The following MROH2A variants were observed in gnomAD, a reference collection of about 807,000 sequenced individuals.
The protein encoded by MROH2A is maestro heat-like repeat-containing protein family member 2A.
A neutral mutation model predicts 200.4 loss-of-function variants in MROH2A; 174 were observed. The ratio of observed to expected loss-of-function variants is 0.87; its 90% confidence interval spans 0.77 to 0.98. MROH2A has a LOEUF of 0.98. MROH2A is among the 50% of genes least tolerant of loss of function. The pLI, the probability that MROH2A is intolerant of heterozygous loss-of-function variation, is 0.00. For missense variants in MROH2A, 2,045 were observed against 2,139.6 expected (o/e 0.96, Z 0.87); for synonymous variants, 829 against 840.4 (o/e 0.99, Z 0.23).
upstream of MROH2A, chr2:233,775,740 T>C (rs1700685997): frequency 6.6e-6 from 1 of 152,256 alleles, no homozygotes; most frequent in South Asian, 2.1e-4. Flanking sequence ...GAATCCACCC[T>C]GTAGAGACTG....
chr2:233,823,109 C>A, intron 34 of MROH2A, 91 bp downstream of exon 34: 2 of 1,398,434 alleles, frequency 1.4e-6, no homozygotes, highest in South Asian at 1.3e-5. Context: ...ATGGTCCAGT[C>A]ATGGCTGAAG....
rs1027351113 is a variant in MROH2A at position 233,822,519 on chromosome 2, C to A, written c.3829C>A (p.His1277Asn). ...PPVLKMWKLV[H>N]TTPLPEEMNL... ...GGTCTTGAAGATGTGGAAGCTGGTCCACACCACTCCTCTGCCGGAGGAGAT... is the reference window on the plus strand; with the variant it reads ...GGTCTTGAAGATGTGGAAGCTGGTCAACACCACTCCTCTGCCGGAGGAGAT... Residue 1277 changes from histidine to asparagine, a missense_variant, in exon 33 of 42, where the codon CAC becomes AAC. Around this residue, in one of 3 missense-constraint regions of MROH2A, gnomAD observed 1,201 missense variants for 1,311.3 expected, o/e 0.92. Coordinates refer to ENST00000389758, the MANE Select transcript of MROH2A (RefSeq NM_001394639.1). 5 of 1,550,390 alleles carry A rather than the reference C, an allele frequency of 3.2e-6. No homozygotes were observed. In the African/African-American group the frequency reaches 6.8e-5, roughly 21 times the overall value.
Position 233,815,065 on chromosome 2 carries a change from T to C in MROH2A, c.2856+388T>C, listed in dbSNP as rs28900968. 0.013 allele frequency among the ~76,000 whole-genome samples: 2,021 copies of C among 152,348 alleles called. 121 individuals are homozygous for C. The East Asian group carries it at 0.2, about 15-fold the overall frequency. On this transcript the variant is annotated intron_variant, in intron 26 of 41. Coordinates refer to ENST00000389758, the MANE Select transcript of MROH2A (RefSeq NM_001394639.1). ...TTAAAACTGATGGCCCATATTCAAA[T>C]TTCATGAATTGCCCCAGTAATGTCC...
rs1201608726 is a variant in MROH2A at position 233,805,032 on chromosome 2, G to C, written c.1973G>C (p.Arg658Pro). 3 of 1,549,830 alleles carry C rather than the reference G, an allele frequency of 1.9e-6. No homozygotes were observed. The highest frequency in any genetic ancestry group is 2.6e-6 in the Non-Finnish European group (3 of 1,146,676). ...CTGCGAAACTCCCTCAAGAAGACCC[G>C]GGGGTCTAGCTGGAGCCTGCGCTTG... ...QFLRNSLKKT[R>P]GSSWSLRLSK... The change falls in exon 19 of 42, where the codon CGG (arginine) becomes CCG (proline). Residue 658 changes from arginine to proline, a missense_variant. Coordinates refer to ENST00000389758, the MANE Select transcript of MROH2A (RefSeq NM_001394639.1).
intron 15 of MROH2A, among the ~76,000 whole-genome samples, chr2:233,802,812 T>C (rs1181766900): frequency 1.3e-5 from 2 of 152,220 alleles, no homozygotes; most frequent in Non-Finnish European, 2.9e-5. Flanking sequence ...CCCAAGGGCA[T>C]CGCTGGTGAT....
chr2:233,810,199 T>C (rs1334034457), intron 22 of MROH2A, among the ~76,000 whole-genome samples: 1 of 152,132 alleles, frequency 6.6e-6, no homozygotes, highest in African/African-American at 2.4e-5. Flanking sequence ...TCTTCCGTGG[T>C]GTATTAGTTC....
At chr2:233,783,431 G>A (rs913145141) in intron 3 of MROH2A, among the ~76,000 whole-genome samples, 5 of 151,946 alleles carry the variant, frequency 3.3e-5, no homozygotes, top group African/African-American at 9.7e-5. Context: ...CTATTTCTTC[G>A]TTGTTCAATC....
chr2:233,780,316 G>A (rs1225695194), intron 3 of MROH2A, among the ~76,000 whole-genome samples: 4 of 152,200 alleles, frequency 2.6e-5, no homozygotes, highest in Non-Finnish European at 5.9e-5. Context: ...GACTAGACAA[G>A]GGTTTGGAAC....
chr2:233,830,068 T>C lies in MROH2A; in HGVS notation c.4602+293T>C, dbSNP rs566009248. Reference sequence around the variant, plus strand: ...AGCCCTCCTCTGCCCAAACCCTTTCTTCTAGCAGATTCTGTAACTGGCAGG... The same window carrying C: ...AGCCCTCCTCTGCCCAAACCCTTTCCTCTAGCAGATTCTGTAACTGGCAGG... On this transcript the variant is annotated intron_variant, in intron 38 of 41. Transcript: ENST00000389758. Among the ~76,000 whole-genome samples, 4 of 152,280 alleles carry C rather than the reference T, an allele frequency of 2.6e-5. No homozygotes were observed. In the East Asian group the frequency reaches 7.7e-4, roughly 29 times the overall value.
chr2:233,789,729 T>TCAGAG (rs1701603698), intron 4 of MROH2A, 101 bp downstream of exon 4: 1 of 1,450,686 alleles, frequency 6.9e-7, no homozygotes, highest in Admixed American at 2.6e-5. Context: ...CAGTTACCTC[T>TCAGAG]CAGAGCAGGG....
rs1701927883 is a variant in MROH2A at position 233,793,648 on chromosome 2, T to C, written c.671-25T>C. ...TGCTTCCAGCCCCTCTGGCGCCAAG[T>C]GCATTCCCCTGTTGCTGTTGGTAGC... On this transcript the variant is annotated intron_variant, in intron 6 of 41. Coordinates refer to ENST00000389758, the MANE Select transcript of MROH2A (RefSeq NM_001394639.1). The C allele has an allele frequency of 2.2e-6, 3 of 1,352,464 alleles. No homozygotes were observed. In the Admixed American group the frequency reaches 1.1e-4, roughly 48 times the overall value. 83.8% of individuals were successfully genotyped at this position (1,352,464 alleles called of 1,614,324 possible). A position where few individuals can be genotyped will look rare whatever the true frequency, so the allele number is the denominator to read the frequency against.
At chr2:233,780,078 G>A (rs1700875647) in intron 3 of MROH2A, among the ~76,000 whole-genome samples, 1 of 152,238 alleles carries the variant, frequency 6.6e-6, no homozygotes, top group East Asian at 1.9e-4. Flanking sequence ...GGGAGCCATT[G>A]TCCTACAGCA....
At chr2:233,804,299 C>A in intron 17 of MROH2A, 107 bp downstream of exon 17, 4 of 1,470,808 alleles carry the variant, frequency 2.7e-6, no homozygotes, top group African/African-American at 1.4e-5. Context: ...ACAGTTGACC[C>A]ACACAGCCAG....
At chr2:233,776,448 T>A (rs988941139), upstream of MROH2A, among the ~76,000 whole-genome samples, 1 of 151,056 alleles carries the variant, frequency 6.6e-6, no homozygotes, top group Non-Finnish European at 1.5e-5. Flanking sequence ...CTCCGCCTCC[T>A]GGGTTCAAGT....
chr2:233,829,523 G>A, intron 37 of MROH2A, 97 bp from the exon 38 acceptor site: 3 of 1,206,578 alleles, frequency 2.5e-6, no homozygotes, highest in East Asian at 3.1e-5. Flanking sequence ...AGAAGGCTCT[G>A]CAGGGACCAA....
In MROH2A at chr2:233,823,599, G is replaced by C. The variant is rs1386430423; in HGVS notation, c.4048G>C (p.Glu1350Gln). 6.5e-7 allele frequency: 1 copy of C among 1,550,344 alleles called. No homozygotes were observed. The highest frequency in any genetic ancestry group is 8.7e-7 in the Non-Finnish European group (1 of 1,146,960). ...GGAGGGCCACAGGCAGAGGCTGGCCGAGCTGGTGCTCAGGGGCATGGACTC... is the reference window on the plus strand; with the variant it reads ...GGAGGGCCACAGGCAGAGGCTGGCCCAGCTGGTGCTCAGGGGCATGGACTC... ...HVEGHRQRLAELVLRGMDSEV... is the reference protein window; with the variant it reads ...HVEGHRQRLAQLVLRGMDSEV... Residue 1350 changes from glutamate to glutamine, a missense_variant, in exon 35 of 42, where the codon GAG (glutamate) becomes CAG (glutamine). Glu to Gln is a conservative substitution (Grantham distance 29). Around this residue, in one of 3 missense-constraint regions of MROH2A, gnomAD observed 1,201 missense variants for 1,311.3 expected, o/e 0.92. Coordinates refer to ENST00000389758, the MANE Select transcript of MROH2A (RefSeq NM_001394639.1).
intron 11 of MROH2A, among the ~76,000 whole-genome samples, chr2:233,798,063 G>A (rs1272984476): frequency 6.6e-6 from 1 of 152,106 alleles, no homozygotes; most frequent in Non-Finnish European, 1.5e-5. Context: ...CTACTCTGGG[G>A]TTGACTTAGT....
Position 233,829,726 on chromosome 2 carries a change from G to T in MROH2A, c.4553G>T (p.Trp1518Leu). The part of the protein sequence containing the change: ...HFFKGEVKKA[W>L]IPLMLHSQDP... ...TTCAAAGGGGAGGTGAAGAAGGCCT[G>T]GATCCCCCTCATGCTGCACTCCCAG... The change falls in exon 38 of 42, where the codon TGG (tryptophan) becomes TTG (leucine). Residue 1518 changes from tryptophan to leucine, a missense_variant. Physicochemically the swap from Trp to Leu is moderately conservative, Grantham distance 61. Around this residue, in one of 3 missense-constraint regions of MROH2A, gnomAD observed 1,201 missense variants for 1,311.3 expected, o/e 0.92. Coordinates refer to ENST00000389758, the MANE Select transcript of MROH2A (RefSeq NM_001394639.1). 6.7e-7 allele frequency: 1 copy of T among 1,487,642 alleles called. No homozygotes were observed. Among genetic ancestry groups the T allele is most frequent in the Non-Finnish European group, 9.0e-7 (1 of 1,115,882 alleles). The allele number at this position is 1,487,642 out of a possible 1,614,324, so 92.2% of individuals were successfully genotyped here. A position where few individuals can be genotyped will look rare whatever the true frequency, so the allele number is the denominator to read the frequency against.
chr2:233,816,083 C>T (rs1238109937), intron 26 of MROH2A, among the ~76,000 whole-genome samples: 1 of 152,184 alleles, frequency 6.6e-6, no homozygotes, highest in East Asian at 1.9e-4. Flanking sequence ...TTTAAATTGA[C>T]TGAGATTTAT....
Sources: gnomAD v4.1 joint callset for allele counts (sites outside exome capture counted in the v4.1 genomes callset) on GRCh38, gnomAD v4.1.1 for gene constraint, gnomAD v4.1.1 regional missense constraint, MANE v1.5 for transcripts, NCBI Gene and HGNC (gene_info 2026-07-23, HGNC 2026-07-21) for gene names.